ASIC2: variants seen among roughly 807,000 people sequenced by gnomAD.
The protein encoded by ASIC2 is acid sensing ion channel subunit 2, also known as acid-sensing ion channel 2.
ASIC2 carries 25 observed loss-of-function variants against 57.3 expected under a neutral mutation model. That is an observed-to-expected ratio of 0.44 (90% CI 0.32 to 0.61). ASIC2 has a LOEUF of 0.61. Among genes scored for constraint, ASIC2 ranks in the 20% least tolerant of loss-of-function variants. The pLI is 0.06. For synonymous variants in ASIC2, 319 were observed against 307.5 expected (o/e 1.04, Z -0.39); for missense variants, 641 against 738.1 (o/e 0.87, Z 1.52).
chr17:33,759,096 T>C (rs1365465948), intron 1 of ASIC2, among the ~76,000 whole-genome samples: 1 of 152,020 alleles, frequency 6.6e-6, no homozygotes, highest in East Asian at 1.9e-4. Context: ...CCTCGGAGAT[T>C]TGTTAAGTGG....
intron 1 of ASIC2, among the ~76,000 whole-genome samples, chr17:33,510,689 C>T (rs1004213179): frequency 2.0e-5 from 3 of 152,162 alleles, no homozygotes; most frequent in Non-Finnish European, 4.4e-5. Context: ...TTAGTCACAC[C>T]GAGCCCCCAT....
At chr17:33,225,648 C>A (rs954306074) in intron 1 of ASIC2, among the ~76,000 whole-genome samples, 2 of 152,266 alleles carry the variant, frequency 1.3e-5, no homozygotes, top group East Asian at 3.9e-4. Flanking sequence ...TCTTACAGCT[C>A]AGAAAGTGAA....
intron 1 of ASIC2, among the ~76,000 whole-genome samples, chr17:33,922,543 G>T (rs1187852435): frequency 6.6e-6 from 1 of 152,204 alleles, no homozygotes; most frequent in Non-Finnish European, 1.5e-5. Context: ...AATTCTATAA[G>T]GTGGAGAGAG....
chr17:33,285,396 C>A (rs1418396460), intron 1 of ASIC2, among the ~76,000 whole-genome samples: 1 of 152,348 alleles, frequency 6.6e-6, no homozygotes, highest in East Asian at 1.9e-4. Flanking sequence ...CATTTCCCCC[C>A]TTAATTACTG....
intron 1 of ASIC2, among the ~76,000 whole-genome samples, chr17:33,550,380 A>G (rs918766456): frequency 1.3e-5 from 2 of 152,196 alleles, no homozygotes; most frequent in Non-Finnish European, 2.9e-5. Flanking sequence ...CTGGCAGGCG[A>G]TATCATGGGA....
intron 1 of ASIC2, among the ~76,000 whole-genome samples, chr17:33,880,742 C>T (rs1296125896): frequency 6.6e-6 from 1 of 152,204 alleles, no homozygotes; most frequent in Non-Finnish European, 1.5e-5. Flanking sequence ...AAGAGGGAAT[C>T]CTCCCTAACT....
At chr17:33,563,459 A>C (rs1916138739) in intron 1 of ASIC2, among the ~76,000 whole-genome samples, 1 of 152,146 alleles carries the variant, frequency 6.6e-6, no homozygotes, top group African/African-American at 2.4e-5. Context: ...CATCTGTAAA[A>C]ATGTATAGCT....
At position 33,642,218 on chromosome 17, in the gene ASIC2, CCCCA is replaced by C. The variant is rs1293628299; in HGVS notation, c.555+513756_555+513759del. Among the ~76,000 whole-genome samples, 212 of 131,222 alleles carry C rather than the reference CCCCA, an allele frequency of 1.6e-3. 1 individual carries two copies. Among genetic ancestry groups the C allele is most frequent in the African/African-American group, 5.5e-3 (193 of 35,034 alleles). 86.1% of individuals were successfully genotyped at this position (131,222 alleles called of 152,430 possible). A position where few individuals can be genotyped will look rare whatever the true frequency, so the allele number is the denominator to read the frequency against. ...GGGAGCAAAAGGACACCCCCCCCCC[CCCCA>C]CACACAATGGTTATGGCTGCACACC... On this transcript the variant is annotated intron_variant, in intron 1 of 9. Coordinates refer to the ASIC2 transcript ENST00000359872.
At chr17:33,217,222 C>T (rs1907525043) in intron 1 of ASIC2, among the ~76,000 whole-genome samples, 1 of 152,096 alleles carries the variant, frequency 6.6e-6, no homozygotes, top group African/African-American at 2.4e-5. Flanking sequence ...GGATGGTTAC[C>T]CCAAATGGAT....
rs1007018799 is a variant in ASIC2, at chr17:33,860,921, G to C, written c.555+295057C>G. The stretch of plus-strand genomic sequence containing the variant: ...GTTGAGCAATTAAGGCATGATCTCT[G>C]TCTTTAGCAGCCTTGGTCACTGAGG... On this transcript the variant is annotated intron_variant, in intron 1 of 9. Transcript: ENST00000359872. Among the ~76,000 whole-genome samples, 11 of 152,290 alleles carry C rather than the reference G, an allele frequency of 7.2e-5. No homozygotes were observed. In the South Asian group the frequency reaches 1.7e-3, roughly 23 times the overall value.
At chr17:33,962,275 C>T (rs745369379) in intron 1 of ASIC2, among the ~76,000 whole-genome samples, 3 of 152,160 alleles carry the variant, frequency 2.0e-5, no homozygotes, top group African/African-American at 4.8e-5. Flanking sequence ...GGAGGAGGAG[C>T]TTTGAGGCCA....
At chr17:33,450,969 T>C (rs2141989993) in intron 1 of ASIC2, among the ~76,000 whole-genome samples, 1 of 152,296 alleles carries the variant, frequency 6.6e-6, no homozygotes, top group East Asian at 1.9e-4. Context: ...TGTCTTACCA[T>C]AGGGATCTCA....
intron 1 of ASIC2, among the ~76,000 whole-genome samples, chr17:33,925,307 C>A (rs1008311506): frequency 2.0e-5 from 3 of 152,230 alleles, no homozygotes; most frequent in African/African-American, 7.2e-5. Flanking sequence ...ACTGAAGGCA[C>A]CCCATGCATG....
At chr17:33,824,240 C>T (rs923251493) in intron 1 of ASIC2, among the ~76,000 whole-genome samples, 11 of 152,080 alleles carry the variant, frequency 7.2e-5, no homozygotes, top group African/African-American at 2.7e-4. Context: ...ATTGGAAGCA[C>T]TTATTAAGAT....
At chr17:34,114,352 G>C (rs1911366461) in intron 1 of ASIC2, among the ~76,000 whole-genome samples, 1 of 152,164 alleles carries the variant, frequency 6.6e-6, no homozygotes, top group Admixed American at 6.5e-5. Context: ...AGCATGTTCT[G>C]TCCCACACTC....
intron 1 of ASIC2, among the ~76,000 whole-genome samples, chr17:33,761,131 C>T (rs1377528339): frequency 2.6e-5 from 4 of 152,182 alleles, no homozygotes; most frequent in Non-Finnish European, 1.5e-5. Flanking sequence ...CTTTCTTTTT[C>T]TTTCTCCCTT....
At chr17:34,094,961 G>A (rs764264143) in intron 1 of ASIC2, among the ~76,000 whole-genome samples, 4 of 152,170 alleles carry the variant, frequency 2.6e-5, no homozygotes, top group Non-Finnish European at 5.9e-5. Context: ...TAGGAACAAC[G>A]AGGAAATTTT....
chr17:33,043,676 CTTA>C (rs1057003079), intron 3 of ASIC2, among the ~76,000 whole-genome samples: 3 of 152,334 alleles, frequency 2.0e-5, no homozygotes, highest in African/African-American at 7.2e-5. Flanking sequence ...ACAGACAAAA[CTTA>C]TTATGTATTA....
intron 1 of ASIC2, among the ~76,000 whole-genome samples, chr17:33,425,545 A>T (rs1911189328): frequency 6.6e-6 from 1 of 152,088 alleles, no homozygotes. Context: ...GGTTCAGAGG[A>T]TGGAGGGATT....
Sources: allele counts gnomAD v4.1 joint callset (sites outside exome capture counted in the v4.1 genomes callset), GRCh38; gene constraint gnomAD v4.1.1; transcripts MANE v1.5; gene names NCBI Gene and HGNC (gene_info 2026-07-23, HGNC 2026-07-21).